Variants in SNAPC1 observed in about 807,000 individuals in gnomAD.
The protein encoded by SNAPC1 is snRNA-activating protein complex subunit 1.
In SNAPC1, 42 loss-of-function variants were observed where a neutral mutation model predicts 50.1. The observed-to-expected ratio is 0.84, with a 90% confidence interval of 0.65 to 1.08. SNAPC1 has a LOEUF of 1.08. Ranked by LOEUF, SNAPC1 falls within the 50% of genes least tolerant of loss-of-function variation. The pLI, the probability that SNAPC1 is intolerant of heterozygous loss-of-function variation, is 0.00. For missense variants in SNAPC1, 477 were observed against 427.3 expected, an observed-to-expected ratio of 1.12 and a Z score of -1.02; for synonymous variants, 164 against 144.2, an observed-to-expected ratio of 1.14 and a Z score of -0.98.
chr14:61,777,063 A>G (rs1443260626), intron 5 of SNAPC1, among the ~76,000 whole-genome samples: 3 of 152,244 alleles, frequency 2.0e-5, no homozygotes, highest in Admixed American at 6.5e-5. Flanking sequence ...ATTACTTACT[A>G]TGTGTCTTGA....
Position 61,767,290 on chromosome 14 carries a change from G to T in SNAPC1, c.367G>T (p.Ala123Ser). The T allele has an allele frequency of 6.5e-7, 1 of 1,528,608 alleles. No homozygotes were observed. The highest frequency in any genetic ancestry group is 1.3e-5 in the South Asian group (1 of 76,162). The allele number at this position is 1,528,608 out of a possible 1,614,324, so 94.7% of individuals were successfully genotyped here. A position where few individuals can be genotyped will look rare whatever the true frequency, so the allele number is the denominator to read the frequency against. The change falls in exon 3 of 10, where the codon GCT becomes TCT. Residue 123 changes from alanine (A) to serine (S), a missense_variant. Coordinates refer to ENST00000216294, the MANE Select transcript of SNAPC1 (RefSeq NM_003082.4). Reference sequence around the variant, plus strand: ...AGTAAATGCACAGCATTTTGATGCAGCTTATATTTTTAGGAAGCTACGACT... The same window carrying T: ...AGTAAATGCACAGCATTTTGATGCATCTTATATTTTTAGGAAGCTACGACT... Reference protein sequence around the residue: ...DLVNAQHFDAAYIFRKLRLDR... With the variant: ...DLVNAQHFDASYIFRKLRLDR...
chr14:61,774,648 ATTTTTT>A (rs35300490), intron 4 of SNAPC1, among the ~76,000 whole-genome samples: 1,333 of 90,936 alleles, frequency 0.015, 39 homozygotes, highest in Non-Finnish European at 0.02. Context: ...TCAGTTTCTC[ATTTTTT>A]TTTTTTTTTT....
chr14:61,764,738 A>T (rs1470280460), intron 1 of SNAPC1, among the ~76,000 whole-genome samples: 1 of 152,168 alleles, frequency 6.6e-6, no homozygotes, highest in African/African-American at 2.4e-5. Flanking sequence ...TAGTAGGGAG[A>T]ACCTAAAATG....
intron 1 of SNAPC1, among the ~76,000 whole-genome samples, chr14:61,763,934 A>G (rs906902488): frequency 6.6e-6 from 1 of 152,044 alleles, no homozygotes. Context: ...AATGTTCATT[A>G]TTATTATTTT....
rs375948297 is a variant in SNAPC1 at position 61,784,391 on chromosome 14, G to C, written c.976+1994G>C. Among the ~76,000 whole-genome samples, 5 of 152,080 alleles carry C rather than the reference G, an allele frequency of 3.3e-5. No homozygotes were observed. In the East Asian group the frequency reaches 5.8e-4, roughly 18 times the overall value. ...TGATTTACCACATCAATAGGTTAAA[G>C]GGGAAAATGTGAATTTATTTTAATA... On this transcript the variant is annotated intron_variant, in intron 8 of 9. Coordinates refer to ENST00000216294, the MANE Select transcript of SNAPC1 (RefSeq NM_003082.4).
chr14:61,783,758 T>G (rs147333210), intron 8 of SNAPC1, among the ~76,000 whole-genome samples: 1 of 152,078 alleles, frequency 6.6e-6, no homozygotes, highest in African/African-American at 2.4e-5. Flanking sequence ...CAGGCTGGTC[T>G]TGAACTCCTG....
chr14:61,767,187 A>C (rs2044954414), intron 2 of SNAPC1, 25 bp from the exon 3 acceptor site: 1 of 1,408,442 alleles, frequency 7.1e-7, no homozygotes, highest in Admixed American at 2.7e-5. Context: ...CATTTAGTAC[A>C]ACTTTTTTTT....
intron 4 of SNAPC1, among the ~76,000 whole-genome samples, 165 bp from the exon 5 acceptor site, chr14:61,775,930 G>A (rs1448453198): frequency 6.6e-6 from 1 of 152,156 alleles, no homozygotes; most frequent in African/African-American, 2.4e-5. Context: ...TGTTAATGAA[G>A]TTGTACTATT....
chr14:61,794,283 A>G (rs2045172688), intron 9 of SNAPC1, among the ~76,000 whole-genome samples: 1 of 152,178 alleles, frequency 6.6e-6, no homozygotes, highest in African/African-American at 2.4e-5. Flanking sequence ...CTTCACAGTA[A>G]CTTATTATTA....
chr14:61,779,364 T>G (rs2045055740), intron 7 of SNAPC1, among the ~76,000 whole-genome samples: 1 of 152,158 alleles, frequency 6.6e-6, no homozygotes, highest in African/African-American at 2.4e-5. Context: ...GTTTCTTTGA[T>G]ACAAATATTC....
At chr14:61,767,149 T>G (rs2044953993) in intron 2 of SNAPC1, 63 bp from the exon 3 acceptor site, 2 of 1,231,292 alleles carry the variant, frequency 1.6e-6, no homozygotes, top group African/African-American at 3.2e-5. Flanking sequence ...TATTTTAAAA[T>G]TATAATATGT....
intron 8 of SNAPC1, among the ~76,000 whole-genome samples, chr14:61,785,267 T>C (rs1440436178): frequency 6.6e-6 from 1 of 152,134 alleles, no homozygotes; most frequent in African/African-American, 2.4e-5. Context: ...CTGGGCTTGG[T>C]GGCACATGCA....
At position 61,776,188 on chromosome 14, in the gene SNAPC1, G is replaced by A. The variant is rs1171530305; in HGVS notation, c.628G>A (p.Asp210Asn). The change falls in exon 5 of 10, where the codon GAT becomes AAT. Residue 210 changes from aspartate to asparagine, a missense_variant. Asp to Asn is a conservative substitution (Grantham distance 23). Coordinates refer to ENST00000216294, the MANE Select transcript of SNAPC1 (RefSeq NM_003082.4). ...KPDKALSLIK[D>N]DFFDNIKNIV... is the part of the protein sequence containing the mutation. ...AGATAAAGCCCTCAGCTTGATAAAG[G>A]ATGATTTTTTTGACAATATTAAGAA... 2 of 1,612,820 alleles carry A rather than the reference G, an allele frequency of 1.2e-6. No homozygotes were observed. Among genetic ancestry groups the A allele is most frequent in the South Asian group, 1.1e-5 (1 of 90,856 alleles).
At chr14:61,789,659 C>T (rs905037913) in intron 8 of SNAPC1, among the ~76,000 whole-genome samples, 2 of 152,048 alleles carry the variant, frequency 1.3e-5, no homozygotes, top group South Asian at 2.1e-4. Flanking sequence ...GTGAGGGGTC[C>T]ATTTAGGCTG....
intron 1 of SNAPC1, among the ~76,000 whole-genome samples, chr14:61,765,653 A>G (rs1485551870): frequency 6.6e-6 from 1 of 152,208 alleles, no homozygotes; most frequent in African/African-American, 2.4e-5. Context: ...CACTTTGAAT[A>G]GAATGGGAGA....
intron 8 of SNAPC1, 41 bp downstream of exon 8, chr14:61,782,438 T>C: frequency 6.6e-7 from 1 of 1,511,092 alleles, no homozygotes; most frequent in Non-Finnish European, 9.0e-7. Flanking sequence ...CAAAGGAGAA[T>C]GGGTTTTATT....
chr14:61,763,239 C>CCGA (rs376394337), intron 1 of SNAPC1, among the ~76,000 whole-genome samples: 1 of 151,452 alleles, frequency 6.6e-6, no homozygotes, highest in Non-Finnish European at 1.5e-5. Context: ...GACCCGCCCG[C>CCGA]CTCGGCCTCC....
chr14:61,763,992 T>A (rs1412574870), intron 1 of SNAPC1, among the ~76,000 whole-genome samples: 1 of 152,174 alleles, frequency 6.6e-6, no homozygotes, highest in African/African-American at 2.4e-5. Flanking sequence ...TGGAGTGTAA[T>A]GGTGCGATCT....
chr14:61,769,426 C>G lies in SNAPC1; in HGVS notation c.534+686C>G, dbSNP rs1005095450. On this transcript the variant is annotated intron_variant, in intron 4 of 9. Coordinates refer to ENST00000216294, the MANE Select transcript of SNAPC1 (RefSeq NM_003082.4). ...TTTTTTTTTTTTTCTCACACGGAGT[C>G]TTGCTCTGTCACCCAGGCTGGAGTG... Among the ~76,000 whole-genome samples, 4 of 127,260 alleles carry G rather than the reference C, an allele frequency of 3.1e-5. No homozygotes were observed. In the East Asian group the frequency reaches 8.0e-4, roughly 25 times the overall value. 83.5% of individuals were successfully genotyped at this position (127,260 alleles called of 152,430 possible).
Sources: gnomAD v4.1 joint callset for allele counts (sites outside exome capture counted in the v4.1 genomes callset) on GRCh38, gnomAD v4.1.1 for gene constraint, MANE v1.5 for transcripts, NCBI Gene and HGNC (gene_info 2026-07-23, HGNC 2026-07-21) for gene names.